Variants in ADGRL3 observed in about 807,000 individuals in gnomAD.
ADGRL3 encodes the protein calcium-independent alpha-latrotoxin receptor 3.
Under a neutral mutation model 153.5 loss-of-function variants are expected in ADGRL3, and 62 were observed. That is an observed-to-expected ratio of 0.40 (90% CI 0.33 to 0.50). The LOEUF (loss-of-function observed/expected upper bound fraction) is 0.50, where lower values mean the gene tolerates loss of function less well. Among genes scored for constraint, ADGRL3 ranks in the 20% least tolerant of loss-of-function variants. The probability of loss-of-function intolerance (pLI) is 0.47; values close to 1 mark genes in which losing one functional copy is unlikely to be tolerated. For missense variants in ADGRL3, 1,641 were observed against 1,859.4 expected (o/e 0.88, Z 2.16); for synonymous variants, 710 against 672.5 (o/e 1.06, Z -0.86).
intron 11 of ADGRL3, among the ~76,000 whole-genome samples, chr4:61,900,928 T>G (rs1479209777): frequency 6.6e-6 from 1 of 152,192 alleles, no homozygotes; most frequent in African/African-American, 2.4e-5. Context: ...CTCACCTATC[T>G]TAATGACTGC....
chr4:61,200,604 C>T lies in ADGRL3; in HGVS notation c.-1401C>T, dbSNP rs938995491. On this transcript the variant is annotated 5_prime_UTR_variant, in exon 1 of 27. Coordinates refer to ENST00000683033, the MANE Select transcript of ADGRL3 (RefSeq NM_001387552.1). The stretch of plus-strand genomic sequence containing the variant: ...GCCGCCACCGCCGCCTGTGACTCGC[C>T]CCCTCCCCTTTCTTTCTTCTCTTTT... Among the ~76,000 whole-genome samples, 7 of 152,108 alleles carry T rather than the reference C, an allele frequency of 4.6e-5. No homozygotes were observed. The highest frequency in any genetic ancestry group is 1.0e-4 in the Non-Finnish European group (7 of 68,006).
At chr4:62,053,779 T>C (rs1735535474) in intron 25 of ADGRL3, among the ~76,000 whole-genome samples, 1 of 151,582 alleles carries the variant, frequency 6.6e-6, no homozygotes, top group African/African-American at 2.4e-5. Context: ...CAAATATAGC[T>C]TCCAATTTAA....
intron 8 of ADGRL3, among the ~76,000 whole-genome samples, chr4:61,799,737 A>G (rs2097466470): frequency 6.6e-6 from 1 of 152,180 alleles, no homozygotes; most frequent in Non-Finnish European, 1.5e-5. Context: ...AAGGGATTTG[A>G]TTAACCATGC....
chr4:62,037,672 CT>C, intron 23 of ADGRL3, 58 bp from the exon 24 acceptor site: 2 of 1,587,846 alleles, frequency 1.3e-6, no homozygotes, highest in Non-Finnish European at 1.7e-6. Flanking sequence ...ACATTGTCTA[CT>C]TTTGTTCCTA....
At chr4:61,858,292 A>G (rs1357773077) in intron 9 of ADGRL3, among the ~76,000 whole-genome samples, 1 of 152,164 alleles carries the variant, frequency 6.6e-6, no homozygotes, top group Non-Finnish European at 1.5e-5. Flanking sequence ...CATAGATAAT[A>G]TATAAACAAA....
At chr4:61,775,369 T>C in intron 8 of ADGRL3, 1 of 417,194 alleles carries the variant, frequency 2.4e-6, no homozygotes, top group Admixed American at 3.5e-5. Context: ...TTTACAGTAA[T>C]GGAAAAGCTA....
At chr4:61,587,194 T>G (rs1214342264) in intron 4 of ADGRL3, 33 bp from the exon 5 acceptor site, 2 of 1,473,064 alleles carry the variant, frequency 1.4e-6, no homozygotes. Context: ...GTAGTAACGA[T>G]GGCATCTCTT....
intron 2 of ADGRL3, among the ~76,000 whole-genome samples, chr4:61,466,723 T>C (rs1402161859): frequency 1.3e-5 from 2 of 152,190 alleles, no homozygotes; most frequent in Non-Finnish European, 2.9e-5. Flanking sequence ...ACCATCTTTC[T>C]GTGCTGATTA....
At chr4:61,641,029 A>G (rs1231244621) in intron 5 of ADGRL3, among the ~76,000 whole-genome samples, 2 of 152,184 alleles carry the variant, frequency 1.3e-5, no homozygotes, top group Admixed American at 6.6e-5. Flanking sequence ...TTCCTAAGTA[A>G]TATTGAAATT....
intron 25 of ADGRL3, among the ~76,000 whole-genome samples, chr4:62,051,569 G>T (rs543638045): frequency 3.3e-5 from 5 of 151,550 alleles, no homozygotes; most frequent in African/African-American, 1.2e-4. Flanking sequence ...GTTCAACTTT[G>T]TCTCTGATAT....
chr4:61,671,142 G>A (rs1208250335), intron 5 of ADGRL3, among the ~76,000 whole-genome samples: 1 of 152,058 alleles, frequency 6.6e-6, no homozygotes, highest in Non-Finnish European at 1.5e-5. Context: ...GGAAAAAATA[G>A]GCTAATTATT....
At chr4:61,518,910 G>A (rs2152908965) in intron 4 of ADGRL3, among the ~76,000 whole-genome samples, 1 of 152,136 alleles carries the variant, frequency 6.6e-6, no homozygotes, top group South Asian at 2.1e-4. Context: ...AATTGGATGG[G>A]CTTTTATTAT....
intron 19 of ADGRL3, among the ~76,000 whole-genome samples, chr4:61,984,243 A>G (rs1446379935): frequency 6.6e-6 from 1 of 152,194 alleles, no homozygotes; most frequent in Admixed American, 6.5e-5. Context: ...ATGAGAAGAG[A>G]TTAGAAAGTA....
intron 1 of ADGRL3, among the ~76,000 whole-genome samples, chr4:61,214,459 A>C (rs1283276735): frequency 2.0e-5 from 3 of 152,234 alleles, no homozygotes; most frequent in African/African-American, 7.2e-5. Context: ...TATTGTTCTA[A>C]AATTTAAGTA....
At chr4:61,313,830 A>T (rs1032521431) in intron 1 of ADGRL3, among the ~76,000 whole-genome samples, 1 of 152,170 alleles carries the variant, frequency 6.6e-6, no homozygotes, top group Non-Finnish European at 1.5e-5. Context: ...AGCCTAACCT[A>T]ACAGGTCAGA....
intron 4 of ADGRL3, among the ~76,000 whole-genome samples, chr4:61,545,443 C>T (rs2098709048): frequency 6.6e-6 from 1 of 152,170 alleles, no homozygotes; most frequent in Non-Finnish European, 1.5e-5. Flanking sequence ...TCTTACTTTT[C>T]CAACTCAGGA....
chr4:61,401,737 C>T (rs1310429103), intron 2 of ADGRL3, among the ~76,000 whole-genome samples: 1 of 152,010 alleles, frequency 6.6e-6, no homozygotes, highest in Non-Finnish European at 1.5e-5. Context: ...ACTAATACTT[C>T]TCCCAATGTG....
chr4:61,410,917 C>A (rs1351218309), intron 2 of ADGRL3, among the ~76,000 whole-genome samples: 3 of 152,152 alleles, frequency 2.0e-5, no homozygotes, highest in African/African-American at 7.2e-5. Context: ...AACTGAGAAC[C>A]CATCCTATGG....
intron 22 of ADGRL3, among the ~76,000 whole-genome samples, chr4:62,030,044 T>A (rs1721123035): frequency 6.6e-6 from 1 of 151,676 alleles, no homozygotes; most frequent in Non-Finnish European, 1.5e-5. Context: ...TATTCAAGAA[T>A]GTTGATGTTT....
Sources: gnomAD v4.1 joint callset for allele counts (sites outside exome capture counted in the v4.1 genomes callset) on GRCh38, gnomAD v4.1.1 for gene constraint, MANE v1.5 for transcripts, NCBI Gene and HGNC (gene_info 2026-07-23, HGNC 2026-07-21) for gene names.